UBXN6: variants seen among roughly 807,000 people sequenced by gnomAD.
UBXN6 encodes UBX domain-containing protein 6.
UBXN6 carries 44 observed loss-of-function variants against 51.4 expected under a neutral mutation model. The observed-to-expected ratio is 0.86, with a 90% CI of 0.67 to 1.10. UBXN6 has a LOEUF of 1.10. Among genes scored for constraint, UBXN6 ranks in the 50% least tolerant of loss-of-function variants. The probability of loss-of-function intolerance (pLI) is 0.00; values close to 1 mark genes in which losing one functional copy is unlikely to be tolerated. For synonymous variants in UBXN6, 316 were observed against 263.2 expected (o/e 1.20, Z -1.94); for missense variants, 672 against 596.1 (o/e 1.13, Z -1.32).
At chr19:4,445,751 C>T (rs1974497126) in intron 10 of UBXN6, 128 bp from the exon 11 acceptor site, 3 of 1,451,804 alleles carry the variant, frequency 2.1e-6, no homozygotes, top group Non-Finnish European at 2.8e-6. Flanking sequence ...GAGGCTGTGG[C>T]TCGCACCCAG....
At chr19:4,451,203 C>T (rs1183015791) in intron 4 of UBXN6, among the ~76,000 whole-genome samples, 2 of 151,968 alleles carry the variant, frequency 1.3e-5, no homozygotes, top group East Asian at 3.9e-4. Context: ...ATTACAGGCG[C>T]CTGTCACCAC....
At position 4,452,512 on chromosome 19, in the gene UBXN6, C is replaced by G. The variant is rs772387266; in HGVS notation, c.313-20G>C. On this transcript the variant is annotated intron_variant, in intron 3 of 10. Transcript: ENST00000301281. ...AGATACCTGGGGCGGTGAAAGCGTC[C>G]AAGTCTGGACCGTGGACAGAGGCCA... 1.1e-5 allele frequency: 18 copies of G among 1,604,698 alleles called. No homozygotes were observed. The highest frequency in any genetic ancestry group is 1.7e-5 in the Admixed American group (1 of 58,622).
chr19:4,446,436 G>T (rs748110180), intron 8 of UBXN6, 23 bp from the exon 9 acceptor site: 1 of 1,579,116 alleles, frequency 6.3e-7, no homozygotes, highest in Admixed American at 1.8e-5. Context: ...GCCAGGTCAC[G>T]AGGGCTGGCC....
At position 4,447,129 on chromosome 19, in the gene UBXN6, A is replaced by G. The variant is rs1974550311; in HGVS notation, c.616-209T>C. ...GTCTCCAACAGCTCTGCACAGAGGA[A>G]AGAGTCACAACCAGGCACGAAGAGT... is the stretch of plus-strand genomic sequence containing the variant. On this transcript the variant is annotated intron_variant, in intron 6 of 10. Coordinates refer to ENST00000301281, the MANE Select transcript of UBXN6 (RefSeq NM_025241.3). 4 of 606,044 alleles carry G rather than the reference A, an allele frequency of 6.6e-6. No homozygotes were observed. In the South Asian group the frequency reaches 8.0e-5, roughly 12 times the overall value. 37.5% of individuals were successfully genotyped at this position (606,044 alleles called of 1,614,324 possible).
In UBXN6 at chr19:4,445,482, C is replaced by T; in HGVS notation, c.*16G>A. 6.2e-7 allele frequency: 1 copy of T among 1,613,636 alleles called. No homozygotes were observed. The highest frequency in any genetic ancestry group is 2.2e-5 in the East Asian group (1 of 44,872). On this transcript the variant is annotated 3_prime_UTR_variant, in exon 11 of 11. Coordinates refer to ENST00000301281, the MANE Select transcript of UBXN6 (RefSeq NM_025241.3). ...TGAGACAGACCCACAGGGCTGAGGCCAACCCTGCTTTTATTTCACAAGAGC... is the reference window on the plus strand; with the variant it reads ...TGAGACAGACCCACAGGGCTGAGGCTAACCCTGCTTTTATTTCACAAGAGC...
At position 4,445,218 on chromosome 19, in the gene UBXN6, C is replaced by T; in HGVS notation, c.*280G>A. 1 of 418,946 alleles carries T rather than the reference C, an allele frequency of 2.4e-6. No individual in the cohort carries two copies. The highest frequency in any genetic ancestry group is 5.1e-5 in the East Asian group (1 of 19,432). The allele number at this position is 418,946 out of a possible 1,614,324, so 26.0% of individuals were successfully genotyped here. On this transcript the variant is annotated 3_prime_UTR_variant, in exon 11 of 11. Transcript: ENST00000301281. ...GGAGATGCCACGTGTGTCTGTCCGG[C>T]AGCTTCATGACACAGTTACCAAGCA...
rs1974582063 is a variant in UBXN6 at position 4,448,319 on chromosome 19, T to C, written c.538A>G (p.Lys180Glu). 1 of 1,604,720 alleles carries C rather than the reference T, an allele frequency of 6.2e-7. No individual in the cohort carries two copies. Among genetic ancestry groups the C allele is most frequent in the Non-Finnish European group, 8.5e-7 (1 of 1,176,588 alleles). ...RVKLGVDTIA[K>E]YLDNIHLHPE... ...AGGGCAAAGGGGCCACACGCTCACT[T>C]GGCAATGGTGTCCACACCCAGCTTC... is the stretch of plus-strand genomic sequence containing the variant. Residue 180 changes from lysine (K) to glutamate (E), a missense_variant and splice_region_variant, in exon 5 of 11, where the codon AAG becomes GAG. Coordinates refer to ENST00000301281, the MANE Select transcript of UBXN6 (RefSeq NM_025241.3).
At chr19:4,453,289 C>T (rs1480561068) in intron 3 of UBXN6, among the ~76,000 whole-genome samples, 169 bp downstream of exon 3, 1 of 152,204 alleles carries the variant, frequency 6.6e-6, no homozygotes, top group African/African-American at 2.4e-5. Flanking sequence ...TGCCGAGCCC[C>T]GAAGGTCCCA....
At position 4,446,079 on chromosome 19, in the gene UBXN6, GTCC is replaced by G. The variant is rs754011124; in HGVS notation, c.1167_1169del (p.Glu389del). On this transcript the variant is annotated inframe_deletion, in exon 10 of 11. Coordinates refer to ENST00000301281, the MANE Select transcript of UBXN6 (RefSeq NM_025241.3). ...CGCACTCGTTCAAGGCCAGGTTCTC[GTCC>G]TCGGACAGCTTCTGCCCTCCCGAGG... is the stretch of plus-strand genomic sequence containing the variant. The G allele has an allele frequency of 6.2e-7, 1 of 1,612,652 alleles. No homozygotes were observed. The highest frequency in any genetic ancestry group is 8.5e-7 in the Non-Finnish European group (1 of 1,179,846).
Position 4,446,085 on chromosome 19 carries a change from G to C in UBXN6, c.1164C>G (p.Ser388=), listed in dbSNP as rs139535362. 5 of 1,612,600 alleles carry C rather than the reference G, an allele frequency of 3.1e-6. No individual in the cohort carries two copies. In the African/African-American group the frequency reaches 4.0e-5, roughly 13 times the overall value. The change falls in exon 10 of 11, where the codon TCC becomes TCG. Residue 388 remains serine (S), a synonymous_variant. Transcript: ENST00000301281. ...ELLASGGQKL[S]EDENLALNEC... ...CGTTCAAGGCCAGGTTCTCGTCCTC[G>C]GACAGCTTCTGCCCTCCCGAGGCCA...
chr19:4,446,273 T>G lies in UBXN6; in HGVS notation c.1051+10A>C. 1.9e-6 allele frequency: 3 copies of G among 1,570,968 alleles called. No homozygotes were observed. The highest frequency in any genetic ancestry group is 2.6e-6 in the Non-Finnish European group (3 of 1,161,944). ...CCGAGCCGCCCTCCACGGGCATCGTTGGTGCCCACCCTGCAGGAGGCAGCC... is the reference window on the plus strand; with the variant it reads ...CCGAGCCGCCCTCCACGGGCATCGTGGGTGCCCACCCTGCAGGAGGCAGCC... On this transcript the variant is annotated intron_variant, in intron 9 of 10. Transcript: ENST00000301281.
intron 10 of UBXN6, 66 bp from the exon 11 acceptor site, chr19:4,445,689 C>G (rs1231108097): frequency 1.3e-6 from 2 of 1,576,160 alleles, no homozygotes; most frequent in Non-Finnish European, 1.7e-6. Flanking sequence ...GGGAACTCAG[C>G]GGGCAACCTG....
At chr19:4,445,697 C>G (rs943760373) in intron 10 of UBXN6, 74 bp from the exon 11 acceptor site, 61 of 1,569,494 alleles carry the variant, frequency 3.9e-5, no homozygotes, top group Non-Finnish European at 5.3e-5. Context: ...AGCGGGCAAC[C>G]TGGGCGCGGG....
intron 4 of UBXN6, chr19:4,450,293 T>C (rs1204851722): frequency 6.6e-6 from 1 of 150,874 alleles, no homozygotes; most frequent in Non-Finnish European, 1.5e-5. Flanking sequence ...GGGAAGGCAT[T>C]TCTAAGAATG....
Position 4,445,258 on chromosome 19 carries a change from A to G in UBXN6, c.*240T>C, listed in dbSNP as rs2145164581. ...GTTACCAAGCAGCTAGGGAGGGCTT[A>G]GATTTGTTGGTGTCCCCAGGCCTCT... On this transcript the variant is annotated 3_prime_UTR_variant, in exon 11 of 11. Coordinates refer to ENST00000301281, the MANE Select transcript of UBXN6 (RefSeq NM_025241.3). 1 of 540,806 alleles carries G rather than the reference A, an allele frequency of 1.8e-6. No individual in the cohort carries two copies. Among genetic ancestry groups the G allele is most frequent in the Non-Finnish European group, 3.2e-6 (1 of 308,298 alleles). The allele number at this position is 540,806 out of a possible 1,614,324, so 33.5% of individuals were successfully genotyped here.
At chr19:4,447,473 G>A in intron 6 of UBXN6, 77 bp downstream of exon 6, 2 of 1,536,106 alleles carry the variant, frequency 1.3e-6, no homozygotes, top group South Asian at 2.2e-5. Flanking sequence ...ACCGCCTGGT[G>A]TGGGCCACCA....
At position 4,446,084 on chromosome 19, in the gene UBXN6, C is replaced by G; in HGVS notation, c.1165G>C (p.Glu389Gln). The change falls in exon 10 of 11, where the codon GAG becomes CAG. Residue 389 changes from glutamate to glutamine, a missense_variant. By Grantham distance (29) the Glu-to-Gln change is conservative. Transcript: ENST00000301281. ...LLASGGQKLS[E>Q]DENLALNECG... Reference sequence around the variant, plus strand: ...TCGTTCAAGGCCAGGTTCTCGTCCTCGGACAGCTTCTGCCCTCCCGAGGCC... The same window carrying G: ...TCGTTCAAGGCCAGGTTCTCGTCCTGGGACAGCTTCTGCCCTCCCGAGGCC... 6.2e-7 allele frequency: 1 copy of G among 1,612,716 alleles called. No individual in the cohort carries two copies.
intron 1 of UBXN6, chr19:4,455,497 CCCCT>C: frequency 6.2e-6 from 1 of 162,410 alleles, no homozygotes; most frequent in Non-Finnish European, 1.3e-5. Context: ...GGACCCTGCC[CCCCT>C]GGGCAGCCAC....
Position 4,445,175 on chromosome 19 carries a change from G to C in UBXN6, c.*323C>G. ...CACGGGAACAGGACCCATGCTGCAG[G>C]CCTGCTCTCCTGCCCAGGGAGATGC... is the stretch of plus-strand genomic sequence containing the variant. On this transcript the variant is annotated 3_prime_UTR_variant, in exon 11 of 11. Transcript: ENST00000301281. 1 of 339,472 alleles carries C rather than the reference G, an allele frequency of 2.9e-6. No individual in the cohort carries two copies. The highest frequency in any genetic ancestry group is 5.6e-6 in the Non-Finnish European group (1 of 177,768). The allele number at this position is 339,472 out of a possible 1,614,324, so 21.0% of individuals were successfully genotyped here.
Sources: gnomAD v4.1 joint callset for allele counts (sites outside exome capture counted in the v4.1 genomes callset) on GRCh38, gnomAD v4.1.1 for gene constraint, MANE v1.5 for transcripts, NCBI Gene and HGNC (gene_info 2026-07-23, HGNC 2026-07-21) for gene names.